MCMBP: variants seen among roughly 807,000 people sequenced by gnomAD.
MCMBP encodes the protein minichromosome maintenance complex binding protein.
MCMBP carries 31 observed loss-of-function variants against 81.3 expected under a neutral mutation model. The observed-to-expected ratio is 0.38, with a 90% confidence interval of 0.29 to 0.51. MCMBP has a LOEUF of 0.51. Ranked by LOEUF, MCMBP falls within the 20% of genes least tolerant of loss-of-function variation. The pLI is 0.87. For missense variants in MCMBP, 645 were observed against 772.1 expected, an observed-to-expected ratio of 0.84 and a Z score of 1.95; for synonymous variants, 267 against 275.9, an observed-to-expected ratio of 0.97 and a Z score of 0.32.
At chr10:119,862,303 G>GT (rs1007035447) in intron 1 of MCMBP, among the ~76,000 whole-genome samples, 1 of 151,598 alleles carries the variant, frequency 6.6e-6, no homozygotes, top group Non-Finnish European at 1.5e-5. Flanking sequence ...GTGAATCTTC[G>GT]TCCCCCCCCA....
intron 9 of MCMBP, 98 bp from the exon 10 acceptor site, chr10:119,842,693 T>G (rs976932203): frequency 7.0e-5 from 94 of 1,333,668 alleles, no homozygotes; most frequent in Middle Eastern, 3.8e-4. Flanking sequence ...CACAATTCAG[T>G]CGACAGTAGG....
chr10:119,853,374 T>A lies in MCMBP; in HGVS notation c.430-180A>T, dbSNP rs139049991. On this transcript the variant is annotated intron_variant, in intron 5 of 15. Transcript: ENST00000369077. Reference sequence around the variant, plus strand: ...AGAATAACAGGTATCAACCTTATGCTGCTATCCTTGCTGTAAACAACAATG... The same window carrying A: ...AGAATAACAGGTATCAACCTTATGCAGCTATCCTTGCTGTAAACAACAATG... Among the ~76,000 whole-genome samples, 4 of 152,372 alleles carry A rather than the reference T, an allele frequency of 2.6e-5. No individual in the cohort carries two copies. In the East Asian group the frequency reaches 7.7e-4, roughly 29 times the overall value.
At chr10:119,847,502 A>C (rs533095097) in intron 8 of MCMBP, 111 bp downstream of exon 8, 6 of 560,232 alleles carry the variant, frequency 1.1e-5, no homozygotes, top group African/African-American at 9.5e-5. Flanking sequence ...TACAACTGGT[A>C]CATCTGGGAG....
chr10:119,873,238 C>CT (rs761223607), upstream of MCMBP, among the ~76,000 whole-genome samples: 7 of 151,988 alleles, frequency 4.6e-5, no homozygotes, highest in African/African-American at 7.3e-5. Context: ...CTCTTCGTGC[C>CT]TTTTTTTTCT....
rs200408634 is a variant in MCMBP at position 119,840,847 on chromosome 10, G to A, written c.1238C>T (p.Pro413Leu). The A allele has an allele frequency of 6.3e-7, 1 of 1,577,528 alleles. No homozygotes were observed. The highest frequency in any genetic ancestry group is 8.6e-7 in the Non-Finnish European group (1 of 1,159,238). Residue 413 changes from proline to leucine, a missense_variant, in exon 11 of 16, where the codon CCA (proline) becomes CTA (leucine). Physicochemically the swap from Pro to Leu is moderately conservative, Grantham distance 98. Transcript: ENST00000369077. ...HLYRIIQHLVPASFRLQMTIE... is the reference protein window; with the variant it reads ...HLYRIIQHLVLASFRLQMTIE... ...ACATATTTATATTCATCTTACTGCT[G>A]GAACAAGATGTTGAATAATTCGATA...
intron 11 of MCMBP, among the ~76,000 whole-genome samples, chr10:119,840,255 T>TGTTA (rs1852387955): frequency 6.6e-6 from 1 of 152,064 alleles, no homozygotes; most frequent in Admixed American, 6.6e-5. Context: ...CCTGGACGAG[T>TGTTA]GTTAGCACTG....
At chr10:119,850,698 G>A (rs533818404) in intron 6 of MCMBP, among the ~76,000 whole-genome samples, 2 of 139,632 alleles carry the variant, frequency 1.4e-5, no homozygotes, top group East Asian at 4.4e-4. Context: ...GCAGTGAGCA[G>A]AGATTGCACC....
Position 119,849,413 on chromosome 10 carries a change from AG to A in MCMBP, c.726+11del. On this transcript the variant is annotated intron_variant, in intron 7 of 15. Coordinates refer to ENST00000369077, the MANE Select transcript of MCMBP (RefSeq NM_001256378.2). ...AACATTTCAGTGTTGGATCTACGAA[AG>A]GTTTTATTACCTTCACAAGGCATGC... 1 of 1,599,394 alleles carries A rather than the reference AG, an allele frequency of 6.3e-7. No homozygotes were observed.
intron 1 of MCMBP, among the ~76,000 whole-genome samples, chr10:119,867,571 C>G (rs1200094717): frequency 6.6e-5 from 10 of 152,090 alleles, no homozygotes; most frequent in Admixed American, 6.5e-4. Context: ...GGATTCCTGA[C>G]TCCATGTTGT....
chr10:119,846,660 T>G (rs890483238), intron 8 of MCMBP, among the ~76,000 whole-genome samples: 5 of 152,192 alleles, frequency 3.3e-5, no homozygotes, highest in African/African-American at 1.2e-4. Flanking sequence ...TGTAACATAC[T>G]GAGGATACAT....
In MCMBP at chr10:119,830,529, T is replaced by G. The variant is rs943809411; in HGVS notation, c.*945A>C. ...CAATGACATTTAAGAAAATAAAAAC[T>G]TTCTAAAGGGGGTATTGCTTTTTAA... On this transcript the variant is annotated 3_prime_UTR_variant, in exon 16 of 16. Transcript: ENST00000369077. 3 of 152,150 alleles carry G rather than the reference T, an allele frequency of 2.0e-5. No individual in the cohort carries two copies. Among genetic ancestry groups the G allele is most frequent in the African/African-American group, 7.2e-5 (3 of 41,436 alleles). 9.4% of individuals were successfully genotyped at this position (152,150 alleles called of 1,614,324 possible).
chr10:119,853,182 C>T lies in MCMBP; in HGVS notation c.442G>A (p.Ala148Thr). 1.2e-6 allele frequency: 2 copies of T among 1,613,650 alleles called. No homozygotes were observed. Among genetic ancestry groups the T allele is most frequent in the Non-Finnish European group, 8.5e-7 (1 of 1,179,732 alleles). The change falls in exon 6 of 16, where the codon GCA (alanine) becomes ACA (threonine). Residue 148 changes from alanine to threonine, a missense_variant. Coordinates refer to ENST00000369077, the MANE Select transcript of MCMBP (RefSeq NM_001256378.2). The part of the protein sequence containing the change: ...STWVKEAYVN[A>T]NQARVSPSTS... ...GAGGGACTGACTCGAGCTTGGTTTG[C>T]ATTAACATAGGCGTTAAACGAAAAG...
intron 6 of MCMBP, among the ~76,000 whole-genome samples, chr10:119,849,993 T>C (rs1852751050): frequency 6.6e-6 from 1 of 152,224 alleles, no homozygotes; most frequent in Non-Finnish European, 1.5e-5. Context: ...AATAAATTAA[T>C]TTACCAAATA....
At chr10:119,865,843 A>C (rs1853432099) in intron 1 of MCMBP, among the ~76,000 whole-genome samples, 1 of 152,156 alleles carries the variant, frequency 6.6e-6, no homozygotes, top group African/African-American at 2.4e-5. Context: ...TGGGAGGCCG[A>C]GGCGGGAGGG....
At chr10:119,869,491 G>A (rs1439195277) in intron 1 of MCMBP, among the ~76,000 whole-genome samples, 1 of 150,722 alleles carries the variant, frequency 6.6e-6, no homozygotes, top group Non-Finnish European at 1.5e-5. Context: ...AGAATCACTT[G>A]AACCCAAGAG....
chr10:119,869,348 C>A (rs544485571), intron 1 of MCMBP, among the ~76,000 whole-genome samples: 1 of 152,050 alleles, frequency 6.6e-6, no homozygotes, highest in Non-Finnish European at 1.5e-5. Flanking sequence ...CCAAGGTGGG[C>A]GGATCACTAG....
chr10:119,863,458 G>A (rs934030138), intron 1 of MCMBP, among the ~76,000 whole-genome samples: 7 of 152,090 alleles, frequency 4.6e-5, no homozygotes, highest in Admixed American at 4.6e-4. Flanking sequence ...AGGGCCAGGC[G>A]GGGTGGCTCA....
At chr10:119,852,314 C>T (rs1336326449) in intron 6 of MCMBP, among the ~76,000 whole-genome samples, 1 of 151,954 alleles carries the variant, frequency 6.6e-6, no homozygotes, top group Non-Finnish European at 1.5e-5. Context: ...ATTACAAACT[C>T]GAATATATTA....
chr10:119,835,893 C>T (rs1852222931), intron 13 of MCMBP, among the ~76,000 whole-genome samples, 189 bp from the exon 14 acceptor site: 1 of 152,118 alleles, frequency 6.6e-6, no homozygotes, highest in African/African-American at 2.4e-5. Flanking sequence ...GGCTGGAGTG[C>T]AGTGGTGTGA....
Sources: gnomAD v4.1 joint callset for allele counts (sites outside exome capture counted in the v4.1 genomes callset) on GRCh38, gnomAD v4.1.1 for gene constraint, MANE v1.5 for transcripts, NCBI Gene and HGNC (gene_info 2026-07-23, HGNC 2026-07-21) for gene names.